Variants in PAIP1 observed in about 807,000 individuals in gnomAD.
PAIP1 encodes polyadenylate-binding protein-interacting protein 1.
PAIP1 carries 16 observed loss-of-function variants against 61.3 expected under a neutral mutation model. The ratio of observed to expected loss-of-function variants is 0.26; its 90% CI spans 0.18 to 0.40. PAIP1 has a LOEUF of 0.40. Among genes scored for constraint, PAIP1 ranks in the 10% least tolerant of loss-of-function variants. The pLI, the probability that PAIP1 is intolerant of heterozygous loss-of-function variation, is 1.00. For synonymous variants in PAIP1, 187 were observed against 226.2 expected (o/e 0.83, Z 1.56); for missense variants, 416 against 600.9 (o/e 0.69, Z 3.22).
At chr5:43,549,297 T>G (rs528959073) in intron 2 of PAIP1, among the ~76,000 whole-genome samples, 2 of 152,300 alleles carry the variant, frequency 1.3e-5, no homozygotes, top group South Asian at 4.1e-4. Flanking sequence ...TTACTGTTGG[T>G]GCTTGATATG....
intron 4 of PAIP1, 67 bp downstream of exon 4, chr5:43,542,937 T>C: frequency 1.2e-6 from 1 of 839,938 alleles, no homozygotes. Context: ...TAATATATGG[T>C]CTGAGGAATG....
At chr5:43,550,979 G>A (rs72758686) in intron 2 of PAIP1, among the ~76,000 whole-genome samples, 6,824 of 152,080 alleles carry the variant, frequency 0.045, 197 homozygotes, top group South Asian at 0.086. Context: ...AAGCACACAG[G>A]CCCCAAGGAG....
At chr5:43,541,434 G>T (rs938413408) in intron 4 of PAIP1, among the ~76,000 whole-genome samples, 1 of 148,860 alleles carries the variant, frequency 6.7e-6, no homozygotes, top group South Asian at 2.2e-4. Flanking sequence ...TTACAGGCAT[G>T]AGCCACTGTG....
At chr5:43,537,072 T>C (rs1747185269) in intron 5 of PAIP1, 128 bp from the exon 6 acceptor site, 1 of 554,876 alleles carries the variant, frequency 1.8e-6, no homozygotes, top group Non-Finnish European at 3.1e-6. Flanking sequence ...GAACACACTC[T>C]GATATCTTCA....
At chr5:43,549,132 G>C (rs1471120028) in intron 2 of PAIP1, among the ~76,000 whole-genome samples, 2 of 152,120 alleles carry the variant, frequency 1.3e-5, no homozygotes, top group Non-Finnish European at 2.9e-5. Flanking sequence ...GTAGAGACAG[G>C]GTTTCACCAT....
intron 3 of PAIP1, among the ~76,000 whole-genome samples, chr5:43,544,923 T>C (rs1579921397): frequency 6.6e-6 from 1 of 152,174 alleles, no homozygotes; most frequent in African/African-American, 2.4e-5. Context: ...GATACTCAAC[T>C]TACAGTTTCC....
chr5:43,542,389 G>A lies in PAIP1; in HGVS notation c.734+615C>T, dbSNP rs181781912. 1.0e-3 allele frequency among the ~76,000 whole-genome samples: 153 copies of A among 151,720 alleles called. 2 individuals are homozygous for A. Among genetic ancestry groups the A allele is most frequent in the Admixed American group, 8.1e-3 (123 of 15,240 alleles). On this transcript the variant is annotated intron_variant, in intron 4 of 10. Coordinates refer to ENST00000306846, the MANE Select transcript of PAIP1 (RefSeq NM_006451.5). The stretch of plus-strand genomic sequence containing the variant: ...TCTACTAAAAATACAAAAATTAGCC[G>A]GGCATGGTGGCGGGTGCCTGTAGTC...
In PAIP1 at chr5:43,536,775, ATAAG is replaced by A. The variant is rs1295381835; in HGVS notation, c.972+40_972+43del. On this transcript the variant is annotated intron_variant, in intron 6 of 10. Transcript: ENST00000306846. ...ATATAGACTAACCTTCCTCTAAATC[ATAAG>A]TAAATACGTAAATTAGTTAAATTAA... 8.7e-6 allele frequency: 9 copies of A among 1,036,084 alleles called. No homozygotes were observed. The Middle Eastern group carries it at 1.3e-3, about 146-fold the overall frequency. 64.2% of individuals were successfully genotyped at this position (1,036,084 alleles called of 1,614,324 possible).
chr5:43,551,199 G>A (rs181482732), intron 2 of PAIP1, among the ~76,000 whole-genome samples: 1 of 152,204 alleles, frequency 6.6e-6, no homozygotes, highest in East Asian at 1.9e-4. Flanking sequence ...GACTGTGCAT[G>A]GTCACAAAAC....
intron 2 of PAIP1, among the ~76,000 whole-genome samples, chr5:43,550,837 C>CAA (rs373730839): frequency 0.021 from 1,060 of 49,440 alleles, 30 homozygotes; most frequent in South Asian, 0.033. Context: ...AAATATACTA[C>CAA]AAAAAAAAAA....
intron 4 of PAIP1, among the ~76,000 whole-genome samples, chr5:43,541,067 T>A (rs1426613456): frequency 6.6e-6 from 1 of 151,006 alleles, no homozygotes. Flanking sequence ...TTTATAACTT[T>A]GACATTTGTA....
At position 43,557,049 on chromosome 5, in the gene PAIP1, C is replaced by T; in HGVS notation, c.-203G>A. On this transcript the variant is annotated 5_prime_UTR_variant, in exon 1 of 11. Coordinates refer to ENST00000306846, the MANE Select transcript of PAIP1 (RefSeq NM_006451.5). ...CCGAGCACCCGCCGCTCCAGAGCGC[C>T]CGCCCCGCTCGGCTACCCTCGGCTT... 1.1e-6 allele frequency: 1 copy of T among 947,802 alleles called. No homozygotes were observed. The highest frequency in any genetic ancestry group is 1.4e-6 in the Non-Finnish European group (1 of 726,438). The allele number at this position is 947,802 out of a possible 1,614,324, so 58.7% of individuals were successfully genotyped here. A position where few individuals can be genotyped will look rare whatever the true frequency, so the allele number is the denominator to read the frequency against.
chr5:43,546,927 C>T (rs959271810), intron 3 of PAIP1, among the ~76,000 whole-genome samples: 9 of 151,046 alleles, frequency 6.0e-5, no homozygotes, highest in African/African-American at 2.2e-4. Context: ...CCTGTAATCT[C>T]AGCTACCTGG....
chr5:43,528,976 C>G (rs1746820581), intron 10 of PAIP1, among the ~76,000 whole-genome samples: 1 of 151,878 alleles, frequency 6.6e-6, no homozygotes, highest in South Asian at 2.1e-4. Context: ...GATATATAAA[C>G]AGTCCTATAA....
chr5:43,557,208 C>A (rs1343232664), upstream of PAIP1: 1 of 182,332 alleles, frequency 5.5e-6, no homozygotes, highest in Admixed American at 6.2e-5. Flanking sequence ...GGCCGGCCGC[C>A]GGGCCCAGCA....
intron 3 of PAIP1, among the ~76,000 whole-genome samples, chr5:43,544,604 T>C (rs1475806423): frequency 6.6e-6 from 1 of 152,200 alleles, no homozygotes. Flanking sequence ...AGTTTAGATG[T>C]TATTTCTTAC....
intron 3 of PAIP1, among the ~76,000 whole-genome samples, chr5:43,543,637 C>T (rs1264463465): frequency 2.6e-5 from 4 of 151,556 alleles, no homozygotes; most frequent in African/African-American, 9.7e-5. Flanking sequence ...GCAACTAACA[C>T]TTAAACACTC....
intron 9 of PAIP1, 119 bp from the exon 10 acceptor site, chr5:43,529,998 A>T (rs1311799915): frequency 1.6e-6 from 1 of 633,542 alleles, no homozygotes; most frequent in East Asian, 2.7e-5. Flanking sequence ...CAGAAATCTT[A>T]AAGTAATTAC....
chr5:43,539,088 T>C (rs939990629), intron 4 of PAIP1, 53 bp from the exon 5 acceptor site: 2 of 1,143,822 alleles, frequency 1.7e-6, no homozygotes, highest in South Asian at 1.2e-5. Context: ...TTTTAAATAG[T>C]CAAACAAAAT....
Sources: allele counts gnomAD v4.1 joint callset (sites outside exome capture counted in the v4.1 genomes callset), GRCh38; gene constraint gnomAD v4.1.1; transcripts MANE v1.5; gene names NCBI Gene and HGNC (gene_info 2026-07-23, HGNC 2026-07-21).